Variants in CSMD1 observed in about 807,000 individuals in gnomAD.
The protein encoded by CSMD1 is CUB and sushi domain-containing protein 1.
In CSMD1, 213 loss-of-function variants were observed where a neutral mutation model predicts 417.5. The observed-to-expected ratio is 0.51, with a 90% CI of 0.46 to 0.57. The LOEUF (loss-of-function observed/expected upper bound fraction) is 0.57. Ranked by LOEUF, CSMD1 falls within the 20% of genes least tolerant of loss-of-function variation. The pLI is 0.00. For missense variants in CSMD1, 6,923 were observed against 4,529.7 expected, an observed-to-expected ratio of 1.53 and a Z score of -15.17; for synonymous variants, 2,862 against 1,736.8, an observed-to-expected ratio of 1.65 and a Z score of -16.11.
intron 12 of CSMD1, among the ~76,000 whole-genome samples, chr8:3,460,902 T>C (rs117478722): frequency 0.03 from 4,561 of 152,262 alleles, 124 homozygotes; most frequent in East Asian, 0.12. Flanking sequence ...AAGGCAGACA[T>C]GACCACTTGT....
intron 2 of CSMD1, among the ~76,000 whole-genome samples, chr8:4,550,336 C>A (rs1444856420): frequency 1.3e-5 from 2 of 151,002 alleles, no homozygotes; most frequent in Non-Finnish European, 3.0e-5. Flanking sequence ...CACGCACACA[C>A]ACACACACAC....
Position 4,838,493 on chromosome 8 carries a change from T to C in CSMD1, c.85+155839A>G, listed in dbSNP as rs191331334. Among the ~76,000 whole-genome samples, 15 of 152,338 alleles carry C rather than the reference T, an allele frequency of 9.8e-5. No individual in the cohort carries two copies. In the East Asian group the frequency reaches 2.9e-3, roughly 29 times the overall value. ...ATGAAGATGCTTCAAACAAATGTGA[T>C]TCTGTCTCATAACTTTCCCTTGATG... On this transcript the variant is annotated intron_variant, in intron 1 of 69. Coordinates refer to ENST00000635120, the MANE Select transcript of CSMD1 (RefSeq NM_033225.6).
chr8:3,769,673 T>C (rs546901673), intron 5 of CSMD1, among the ~76,000 whole-genome samples: 147 of 152,240 alleles, frequency 9.7e-4, no homozygotes, highest in African/African-American at 3.5e-3. Context: ...TGTATATCTA[T>C]ATATATATGA....
chr8:4,434,914 C>T (rs530381897), intron 2 of CSMD1, among the ~76,000 whole-genome samples: 236 of 152,298 alleles, frequency 1.5e-3, no homozygotes, highest in African/African-American at 5.0e-3. Context: ...GCACATGACT[C>T]TGCATGACAA....
intron 1 of CSMD1, among the ~76,000 whole-genome samples, chr8:4,643,477 T>A (rs1000612286): frequency 2.8e-4 from 43 of 152,254 alleles, no homozygotes; most frequent in African/African-American, 1.0e-3. Flanking sequence ...GCCTTACTCC[T>A]ACTGGACGTA....
chr8:4,373,142 C>T (rs560196221), intron 3 of CSMD1, among the ~76,000 whole-genome samples: 3 of 152,128 alleles, frequency 2.0e-5, no homozygotes, highest in African/African-American at 7.2e-5. Context: ...CAGACACCTC[C>T]CTAGGGAGGA....
intron 26 of CSMD1, among the ~76,000 whole-genome samples, chr8:3,268,151 G>C (rs569395419): frequency 6.6e-6 from 1 of 151,700 alleles, no homozygotes; most frequent in African/African-American, 2.4e-5. Context: ...ACTGATATCT[G>C]AATGAATGAA....
intron 3 of CSMD1, among the ~76,000 whole-genome samples, chr8:4,262,812 A>T (rs1213892842): frequency 6.6e-6 from 1 of 152,194 alleles, no homozygotes; most frequent in African/African-American, 2.4e-5. Context: ...ACCCAGAGAC[A>T]ATGAGAATTT....
chr8:3,870,989 T>G (rs535371812), intron 5 of CSMD1, among the ~76,000 whole-genome samples: 1 of 129,168 alleles, frequency 7.7e-6, no homozygotes, highest in East Asian at 2.3e-4. Context: ...TAATTTTTTC[T>G]CATTCAATGT....
intron 1 of CSMD1, among the ~76,000 whole-genome samples, chr8:4,939,571 T>C (rs974472269): frequency 6.6e-6 from 1 of 152,214 alleles, no homozygotes; most frequent in East Asian, 1.9e-4. Context: ...ATGATCTTGC[T>C]TACATGTAGA....
chr8:3,440,434 G>C (rs540787863), intron 12 of CSMD1, among the ~76,000 whole-genome samples: 2 of 152,106 alleles, frequency 1.3e-5, no homozygotes, highest in African/African-American at 4.8e-5. Flanking sequence ...AAAGAAATTG[G>C]GTGTTCACGT....
rs192175634 is a variant in CSMD1 at position 3,129,905 on chromosome 8, C to A, written c.6242-11318G>T. Among the ~76,000 whole-genome samples the A allele has an allele frequency of 1.6e-3, 245 of 151,872 alleles. 2 individuals are homozygous for A. In the East Asian group the frequency reaches 0.045, roughly 28 times the overall value. The stretch of plus-strand genomic sequence containing the variant: ...TCAGCATGGGAGAATCACCTGAGCC[C>A]GGGGGGCGGAGGTTGCAGTGAGCCG... On this transcript the variant is annotated intron_variant, in intron 41 of 69. Transcript: ENST00000635120.
chr8:3,648,731 G>A (rs1040402419), intron 7 of CSMD1, among the ~76,000 whole-genome samples: 1 of 152,104 alleles, frequency 6.6e-6, no homozygotes, highest in Admixed American at 6.5e-5. Context: ...GAAGTTACAT[G>A]GCTCATGTCT....
chr8:3,291,935 A>T (rs1220791720), intron 25 of CSMD1, among the ~76,000 whole-genome samples: 2 of 151,460 alleles, frequency 1.3e-5, no homozygotes, highest in African/African-American at 2.4e-5. Flanking sequence ...TCAATTTTAG[A>T]TCTTTCCTGC....
chr8:3,531,393 T>G (rs1209238953), intron 10 of CSMD1, among the ~76,000 whole-genome samples: 2 of 152,142 alleles, frequency 1.3e-5, no homozygotes, highest in African/African-American at 4.8e-5. Context: ...TTATAGAATC[T>G]GGAATTATAA....
intron 5 of CSMD1, among the ~76,000 whole-genome samples, chr8:3,853,917 GTATAA>G (rs1421999580): frequency 6.2e-5 from 9 of 144,326 alleles, no homozygotes; most frequent in Admixed American, 2.8e-4. Flanking sequence ...ATACATTAAA[GTATAA>G]TATATTAATA....
At chr8:4,463,216 G>A (rs577763828) in intron 2 of CSMD1, among the ~76,000 whole-genome samples, 33 of 152,228 alleles carry the variant, frequency 2.2e-4, no homozygotes, top group African/African-American at 7.5e-4. Context: ...TCAAGGAAAT[G>A]CAAATCAAAG....
intron 3 of CSMD1, among the ~76,000 whole-genome samples, chr8:4,078,284 T>A (rs946515098): frequency 2.0e-5 from 3 of 151,876 alleles, no homozygotes; most frequent in African/African-American, 7.3e-5. Flanking sequence ...CAGACCTAAC[T>A]GTGCCATAAT....
chr8:4,823,136 T>C (rs924075093), intron 1 of CSMD1, among the ~76,000 whole-genome samples: 3 of 152,110 alleles, frequency 2.0e-5, no homozygotes, highest in African/African-American at 7.2e-5. Flanking sequence ...AGCTACTGGA[T>C]GCTTTATGCA....
Sources: gnomAD v4.1 joint callset for allele counts (sites outside exome capture counted in the v4.1 genomes callset) on GRCh38, gnomAD v4.1.1 for gene constraint, MANE v1.5 for transcripts, NCBI Gene and HGNC (gene_info 2026-07-23, HGNC 2026-07-21) for gene names.